The following HGF variants were observed in gnomAD, a reference collection of about 807,000 sequenced individuals.
HGF encodes hepatocyte growth factor, also known as fibroblast-derived tumor cytotoxic factor.
In HGF, 39 loss-of-function variants were observed where a neutral mutation model predicts 111.6. The ratio of observed to expected loss-of-function variants is 0.35; its 90% CI spans 0.27 to 0.46. The LOEUF (loss-of-function observed/expected upper bound fraction) is 0.46, where lower values mean the gene tolerates loss of function less well. Among genes scored for constraint, HGF ranks in the 20% least tolerant of loss-of-function variants. The pLI, the probability that HGF is intolerant of heterozygous loss-of-function variation, is 1.00. For missense variants in HGF, 735 were observed against 910.5 expected, an observed-to-expected ratio of 0.81 and a Z score of 2.48; for synonymous variants, 285 against 294.8, an observed-to-expected ratio of 0.97 and a Z score of 0.34.
chr7:81,742,907 A>G (rs1226910538), intron 7 of HGF: 2 of 1,612,860 alleles, frequency 1.2e-6, no homozygotes, highest in East Asian at 4.5e-5. Flanking sequence ...TCTGTCACTC[A>G]CCAGAAGAAG....
chr7:81,703,335 G>T (rs1014394535), intron 17 of HGF, among the ~76,000 whole-genome samples: 1 of 149,418 alleles, frequency 6.7e-6, no homozygotes, highest in South Asian at 2.1e-4. Flanking sequence ...AATTGAAATT[G>T]CTTTTCCAGG....
chr7:81,711,519 C>A lies in HGF; in HGVS notation c.1406G>T (p.Cys469Phe), dbSNP rs1269718439. The change falls in exon 12 of 18, where the codon TGT becomes TTT. Residue 469 changes from cysteine to phenylalanine, a missense_variant and splice_region_variant. Physicochemically the swap from Cys to Phe is radical, Grantham distance 205. This residue lies in a region of HGF where 553 missense variants were observed against 685.6 expected (regional missense o/e 0.81). Transcript: ENST00000222390. ...IPWDYCPISR[C>F]EGDTTPTIVN... ...TATTGTAGGTGTGGTATCACCTTCACCTGTAAAAATAAATGTATAGATAAA... is the reference window on the plus strand; with the variant it reads ...TATTGTAGGTGTGGTATCACCTTCAACTGTAAAAATAAATGTATAGATAAA... 2 of 1,385,848 alleles carry A rather than the reference C, an allele frequency of 1.4e-6. No homozygotes were observed. The highest frequency in any genetic ancestry group is 2.0e-6 in the Non-Finnish European group (2 of 985,720). 85.8% of individuals were successfully genotyped at this position (1,385,848 alleles called of 1,614,324 possible).
intron 7 of HGF, among the ~76,000 whole-genome samples, chr7:81,742,382 A>G (rs1245672484): frequency 6.6e-6 from 1 of 152,166 alleles, no homozygotes; most frequent in East Asian, 1.9e-4. Context: ...AAATCAATCC[A>G]TGCCCTCTTA....
At chr7:81,761,569 A>AG (rs1789078896) in intron 2 of HGF, among the ~76,000 whole-genome samples, 1 of 151,752 alleles carries the variant, frequency 6.6e-6, no homozygotes, top group African/African-American at 2.4e-5. Flanking sequence ...AAAAAAAAAA[A>AG]GATAAAATAG....
At chr7:81,721,213 C>G (rs895412685) in intron 9 of HGF, among the ~76,000 whole-genome samples, 11 of 152,068 alleles carry the variant, frequency 7.2e-5, no homozygotes, top group East Asian at 1.9e-4. Flanking sequence ...CGCCACTGCA[C>G]TCCAGCCTGG....
In HGF at chr7:81,751,567, G is replaced by C. The variant is rs916470917; in HGVS notation, c.625+553C>G. 2.3e-5 allele frequency: 23 copies of C among 991,748 alleles called. 1 individual carries two copies. The highest frequency in any genetic ancestry group is 1.1e-4 in the Admixed American group (2 of 17,520). 61.4% of individuals were successfully genotyped at this position (991,748 alleles called of 1,614,324 possible). ...ATCTCTTCAGATCCTATTCTGAATG[G>C]TACTCAGTTCCAGCCTACGTGTCAC... On this transcript the variant is annotated intron_variant, in intron 5 of 17. Coordinates refer to ENST00000222390, the MANE Select transcript of HGF (RefSeq NM_000601.6).
intron 8 of HGF, 39 bp from the exon 9 acceptor site, chr7:81,726,056 T>A: frequency 6.2e-7 from 1 of 1,608,864 alleles, no homozygotes. Flanking sequence ...TTGCCGGAGT[T>A]CTTACGTTGG....
intron 1 of HGF, among the ~76,000 whole-genome samples, chr7:81,765,991 A>G (rs1037719606): frequency 1.3e-5 from 2 of 152,216 alleles, no homozygotes; most frequent in African/African-American, 4.8e-5. Flanking sequence ...GCTTTAAATT[A>G]CAACTCCTTT....
At chr7:81,747,948 C>CA (rs1333057318) in intron 5 of HGF, among the ~76,000 whole-genome samples, 3 of 151,936 alleles carry the variant, frequency 2.0e-5, no homozygotes, top group African/African-American at 7.3e-5. Context: ...AAACAAAAAA[C>CA]AAAAAACAAA....
intron 5 of HGF, chr7:81,751,246 C>T: frequency 1.0e-6 from 1 of 981,662 alleles, no homozygotes; most frequent in Non-Finnish European, 1.2e-6. Flanking sequence ...CCCAAATACT[C>T]CAAAATCCTA....
intron 9 of HGF, among the ~76,000 whole-genome samples, chr7:81,725,067 T>G (rs1385586606): frequency 6.6e-6 from 1 of 152,202 alleles, no homozygotes; most frequent in Admixed American, 6.5e-5. Context: ...TCATTGGTTC[T>G]CCTGTTTTAA....
At chr7:81,723,298 A>T (rs1413655934) in intron 9 of HGF, among the ~76,000 whole-genome samples, 1 of 152,170 alleles carries the variant, frequency 6.6e-6, no homozygotes, top group Non-Finnish European at 1.5e-5. Context: ...TTACCCTTTC[A>T]TATAGTATTT....
chr7:81,723,900 A>G (rs1053813697), intron 9 of HGF, among the ~76,000 whole-genome samples: 4 of 151,644 alleles, frequency 2.6e-5, no homozygotes, highest in African/African-American at 4.8e-5. Flanking sequence ...CTAAGTAGAT[A>G]GATCTATCTG....
chr7:81,758,719 G>T lies in HGF; in HGVS notation c.340C>A (p.His114Asn). 6.2e-7 allele frequency: 1 copy of T among 1,610,100 alleles called. No homozygotes were observed. The highest frequency in any genetic ancestry group is 8.5e-7 in the Non-Finnish European group (1 of 1,176,716). The change falls in exon 3 of 18, where the codon CAT (histidine) becomes AAT (asparagine). Residue 114 changes from histidine to asparagine, a missense_variant. This residue lies in a region of HGF where 553 missense variants were observed against 685.6 expected (regional missense o/e 0.81). Transcript: ENST00000222390. ...TTGTTTTCATAGAGGTCAAATTCATGGCCAAATTCTTTTTTCACTCCACTT... is the reference window on the plus strand; with the variant it reads ...TTGTTTTCATAGAGGTCAAATTCATTGCCAAATTCTTTTTTCACTCCACTT... ...MSSGVKKEFGHEFDLYENKDY... is the reference protein window; with the variant it reads ...MSSGVKKEFGNEFDLYENKDY...
At chr7:81,734,436 A>G (rs1456443733) in intron 7 of HGF, among the ~76,000 whole-genome samples, 3 of 152,162 alleles carry the variant, frequency 2.0e-5, no homozygotes, top group Non-Finnish European at 4.4e-5. Context: ...ATGAACAAAT[A>G]CAATGCATGC....
In HGF at chr7:81,742,562, GA is replaced by G. The variant is rs1311498356; in HGVS notation, c.865+790del. ...TTTTAAAGAATTTTAATATCCAGTT[GA>G]AAAAAATTAGCCCTGTATTCAAAGA... On this transcript the variant is annotated intron_variant, in intron 7 of 17. Coordinates refer to ENST00000222390, the MANE Select transcript of HGF (RefSeq NM_000601.6). The G allele has an allele frequency of 1.1e-4, 35 of 322,734 alleles. No individual in the cohort carries two copies. In the East Asian group the frequency reaches 3.1e-3, roughly 28 times the overall value. 20.0% of individuals were successfully genotyped at this position (322,734 alleles called of 1,614,324 possible).
In HGF at chr7:81,757,197, G is replaced by T. The variant is rs367553438; in HGVS notation, c.474C>A (p.His158Gln). 8.5e-6 allele frequency: 13 copies of T among 1,527,092 alleles called. No homozygotes were observed. Among genetic ancestry groups the T allele is most frequent in the Non-Finnish European group, 1.2e-5 (13 of 1,100,652 alleles). The allele number at this position is 1,527,092 out of a possible 1,614,324, so 94.6% of individuals were successfully genotyped here. Residue 158 changes from histidine to glutamine, a missense_variant, in exon 4 of 18, where the codon CAC becomes CAA. His to Gln is a conservative substitution (Grantham distance 24, BLOSUM62 0). Around this residue, in one of 3 missense-constraint regions of HGF, gnomAD observed 553 missense variants for 685.6 expected, o/e 0.81. Transcript: ENST00000222390. Reference sequence around the variant, plus strand: ...CTTCATACTGTTCTTACCTGTGTTCGTGTGGTATCATGGAACTCCAGGGCT... The same window carrying T: ...CTTCATACTGTTCTTACCTGTGTTCTTGTGGTATCATGGAACTCCAGGGCT... ...KCQPWSSMIP[H>Q]EHSFLPSSYR...
intron 10 of HGF, among the ~76,000 whole-genome samples, chr7:81,718,233 T>C (rs1562877457): frequency 6.6e-6 from 1 of 152,190 alleles, no homozygotes; most frequent in Non-Finnish European, 1.5e-5. Context: ...CAGACCAAGT[T>C]TCATTTTTCT....
chr7:81,750,833 T>A (rs1788463308), intron 5 of HGF: 1 of 426,302 alleles, frequency 2.3e-6, no homozygotes, highest in South Asian at 1.0e-4. Context: ...TTTTCTTCCA[T>A]GTGCAAGTTT....
Sources: gnomAD v4.1 joint callset for allele counts (sites outside exome capture counted in the v4.1 genomes callset) on GRCh38, gnomAD v4.1.1 for gene constraint, gnomAD v4.1.1 regional missense constraint, MANE v1.5 for transcripts, NCBI Gene and HGNC (gene_info 2026-07-23, HGNC 2026-07-21) for gene names.